TAOK1: variants seen among roughly 807,000 people sequenced by gnomAD.
The protein encoded by TAOK1 is serine/threonine-protein kinase TAO1.
In TAOK1, 21 loss-of-function variants were observed where a neutral mutation model predicts 138.3. The observed-to-expected ratio is 0.15, with a 90% confidence interval of 0.11 to 0.22. The LOEUF is 0.22. Ranked by LOEUF, TAOK1 falls within the 10% of genes least tolerant of loss-of-function variation. TAOK1 has a pLI of 1.00. For missense variants in TAOK1, 651 were observed against 1,227.7 expected, an observed-to-expected ratio of 0.53 and a Z score of 7.02; for synonymous variants, 361 against 398.4, an observed-to-expected ratio of 0.91 and a Z score of 1.12.
At chr17:29,523,377 C>G (rs2150768121) in intron 17 of TAOK1, among the ~76,000 whole-genome samples, 1 of 151,930 alleles carries the variant, frequency 6.6e-6, no homozygotes, top group Non-Finnish European at 1.5e-5. Context: ...GTTAACAATT[C>G]TGAAGTTTTT....
In TAOK1 at chr17:29,517,319, C is replaced by T. The variant is rs1598518070; in HGVS notation, c.1705-134C>T. On this transcript the variant is annotated intron_variant, in intron 15 of 19. Transcript: ENST00000261716. ...TGTATTTTAGTAGAGACAGTTTCGC[C>T]ATGTTGGCCAGGCTAGTCTCAAACT... The T allele has an allele frequency of 2.0e-5, 15 of 753,072 alleles. No individual in the cohort carries two copies. In the East Asian group the frequency reaches 3.7e-4, roughly 19 times the overall value. 46.6% of individuals were successfully genotyped at this position (753,072 alleles called of 1,614,324 possible). A position where few individuals can be genotyped will look rare whatever the true frequency, so the allele number is the denominator to read the frequency against.
chr17:29,402,139 AAG>A (rs1224693940), intron 1 of TAOK1, among the ~76,000 whole-genome samples: 2 of 152,144 alleles, frequency 1.3e-5, no homozygotes, highest in African/African-American at 4.8e-5. Context: ...AGGAGATAGC[AAG>A]GACTTTGCCT....
intron 10 of TAOK1, among the ~76,000 whole-genome samples, chr17:29,492,738 G>C (rs895629425): frequency 6.6e-6 from 1 of 152,176 alleles, no homozygotes; most frequent in African/African-American, 2.4e-5. Context: ...GTAGTGGTGA[G>C]CCGAGATTGC....
intron 1 of TAOK1, among the ~76,000 whole-genome samples, chr17:29,443,035 A>G (rs1402746811): frequency 6.6e-6 from 1 of 152,196 alleles, no homozygotes; most frequent in Non-Finnish European, 1.5e-5. Context: ...GAGGGAGGAT[A>G]TAGTAGATAG....
At chr17:29,440,082 TATG>T (rs1284296982) in intron 1 of TAOK1, among the ~76,000 whole-genome samples, 6 of 152,286 alleles carry the variant, frequency 3.9e-5, no homozygotes, top group Non-Finnish European at 7.4e-5. Context: ...GATTTTGAGC[TATG>T]ATATTAAACT....
intron 1 of TAOK1, among the ~76,000 whole-genome samples, chr17:29,399,503 G>C (rs1237878873): frequency 6.6e-6 from 1 of 151,936 alleles, no homozygotes; most frequent in African/African-American, 2.4e-5. Flanking sequence ...TTTTATTAGA[G>C]ACGGGGTTTC....
At chr17:29,525,568 G>A (rs191792489) in intron 17 of TAOK1, among the ~76,000 whole-genome samples, 1 of 151,938 alleles carries the variant, frequency 6.6e-6, no homozygotes, top group Non-Finnish European at 1.5e-5. Flanking sequence ...TCACGCCCTC[G>A]TGTTTTTAGT....
At chr17:29,514,899 TTAGG>T in intron 15 of TAOK1, 1 of 151,088 alleles carries the variant, frequency 6.6e-6, no homozygotes, top group East Asian at 1.9e-4. Context: ...CTCAGTAGTC[TTAGG>T]TGGGAAGATC....
In TAOK1 at chr17:29,538,877, A is replaced by T. The variant is rs191689714; in HGVS notation, c.2545-3684A>T. ...AAGTAGTAGCATTTCCAGAGTATAA[A>T]TGACCTTTTTTTAATCATCTCATTT... On this transcript the variant is annotated intron_variant, in intron 19 of 19. Transcript: ENST00000261716. Among the ~76,000 whole-genome samples the T allele has an allele frequency of 5.9e-5, 9 of 152,356 alleles. No homozygotes were observed. The East Asian group carries it at 1.7e-3, about 29-fold the overall frequency.
At chr17:29,400,904 C>CTTTT (rs10539936) in intron 1 of TAOK1, among the ~76,000 whole-genome samples, 32 of 105,238 alleles carry the variant, frequency 3.0e-4, no homozygotes, top group Non-Finnish European at 3.7e-4. Context: ...TTGTTTGCCT[C>CTTTT]TTTTTTTTTT....
intron 2 of TAOK1, among the ~76,000 whole-genome samples, chr17:29,458,537 A>T (rs2030451268): frequency 6.6e-6 from 1 of 152,058 alleles, no homozygotes; most frequent in Non-Finnish European, 1.5e-5. Context: ...TCGCTCTCTT[A>T]CCCAGGCTGG....
At chr17:29,415,323 T>G (rs902435852) in intron 1 of TAOK1, among the ~76,000 whole-genome samples, 1 of 152,206 alleles carries the variant, frequency 6.6e-6, no homozygotes, top group African/African-American at 2.4e-5. Flanking sequence ...ATTTGTACAT[T>G]AATATGTACT....
At chr17:29,406,694 C>T (rs550597935) in intron 1 of TAOK1, among the ~76,000 whole-genome samples, 4 of 151,984 alleles carry the variant, frequency 2.6e-5, no homozygotes, top group South Asian at 2.1e-4. Flanking sequence ...ACCCACCCCC[C>T]CAACTAAGCA....
intron 4 of TAOK1, among the ~76,000 whole-genome samples, chr17:29,477,456 G>A (rs1159148852): frequency 6.6e-6 from 1 of 151,526 alleles, no homozygotes; most frequent in Admixed American, 6.6e-5. Context: ...ACAAATCACT[G>A]AATACATAAC....
intron 14 of TAOK1, 38 bp from the exon 15 acceptor site, chr17:29,510,826 C>A: frequency 6.7e-7 from 1 of 1,482,886 alleles, no homozygotes; most frequent in Non-Finnish European, 9.1e-7. Flanking sequence ...ACTTTATCTA[C>A]TTAACTAAAT....
chr17:29,536,480 G>A (rs1204327363), intron 19 of TAOK1, among the ~76,000 whole-genome samples: 1 of 147,370 alleles, frequency 6.8e-6, no homozygotes, highest in African/African-American at 2.5e-5. Flanking sequence ...GGTGCCTATA[G>A]TCCCAACTAC....
chr17:29,432,443 C>T (rs944198089), intron 1 of TAOK1, among the ~76,000 whole-genome samples: 18 of 152,196 alleles, frequency 1.2e-4, no homozygotes, highest in African/African-American at 4.3e-4. Context: ...AAACATGTCG[C>T]AGTGCTGCAG....
At chr17:29,466,747 T>G (rs1175852562) in intron 2 of TAOK1, among the ~76,000 whole-genome samples, 1 of 152,164 alleles carries the variant, frequency 6.6e-6, no homozygotes. Flanking sequence ...TTTACTCATG[T>G]TATTGTCTTT....
intron 1 of TAOK1, among the ~76,000 whole-genome samples, chr17:29,442,781 G>A (rs2029979429): frequency 6.6e-6 from 1 of 152,114 alleles, no homozygotes. Flanking sequence ...AACAGGCCTG[G>A]CATGGTGGCT....
Sources: gnomAD v4.1 joint callset for allele counts (sites outside exome capture counted in the v4.1 genomes callset) on GRCh38, gnomAD v4.1.1 for gene constraint, MANE v1.5 for transcripts, NCBI Gene and HGNC (gene_info 2026-07-23, HGNC 2026-07-21) for gene names.